The following MAP6 variants were observed in gnomAD, a reference collection of about 807,000 sequenced individuals.
MAP6 encodes microtubule associated protein 6, also known as microtubule-associated protein 6.
In MAP6, 26 loss-of-function variants were observed where a neutral mutation model predicts 42.4. That is an observed-to-expected ratio of 0.61 (90% CI 0.45 to 0.85). MAP6 has a LOEUF of 0.85. MAP6 is among the 40% of genes least tolerant of loss of function. The probability of loss-of-function intolerance (pLI) is 0.00; values close to 1 mark genes in which losing one functional copy is unlikely to be tolerated. For missense variants in MAP6, 966 were observed against 1,099.0 expected, an observed-to-expected ratio of 0.88 and a Z score of 1.71; for synonymous variants, 418 against 443.8, an observed-to-expected ratio of 0.94 and a Z score of 0.73.
At position 75,608,184 on chromosome 11, in the gene MAP6, T is replaced by C. The variant is rs1457868454; in HGVS notation, c.1044A>G (p.Thr348=). 2 of 1,614,228 alleles carry C rather than the reference T, an allele frequency of 1.2e-6. No individual in the cohort carries two copies. The highest frequency in any genetic ancestry group is 1.7e-6 in the Non-Finnish European group (2 of 1,180,038). ...GATCAATGACCTTATTGTCAGCTGT[T>C]GTTGGCTTGCTGGCCTCTCCTTTGA... ...AQFKGEASKP[T]TADNKVIDRR... The change falls in exon 2 of 4, where the codon ACA becomes ACG. Residue 348 remains threonine, a synonymous_variant. Coordinates refer to ENST00000304771, the MANE Select transcript of MAP6 (RefSeq NM_033063.2).
At chr11:75,656,692 G>A (rs2135688060) in intron 1 of MAP6, among the ~76,000 whole-genome samples, 1 of 152,290 alleles carries the variant, frequency 6.6e-6, no homozygotes, top group Middle Eastern at 3.4e-3. Flanking sequence ...CTATGGGTTT[G>A]ATTCTCACCA....
chr11:75,666,859 T>G (rs1213853046), intron 1 of MAP6, among the ~76,000 whole-genome samples: 1 of 152,218 alleles, frequency 6.6e-6, no homozygotes, highest in African/African-American at 2.4e-5. Context: ...TTGCCCAATA[T>G]GTCACAGCTA....
intron 3 of MAP6, among the ~76,000 whole-genome samples, chr11:75,597,665 T>C (rs1188675422): frequency 6.6e-6 from 1 of 152,186 alleles, no homozygotes; most frequent in African/African-American, 2.4e-5. Context: ...AAGGATCGGA[T>C]CTTGAGCAAT....
At chr11:75,621,633 G>C (rs1027770963) in intron 1 of MAP6, among the ~76,000 whole-genome samples, 5 of 152,158 alleles carry the variant, frequency 3.3e-5, no homozygotes, top group Non-Finnish European at 7.3e-5. Context: ...AAATACTCAG[G>C]AATTGGCCGG....
chr11:75,630,377 A>G (rs584046), intron 1 of MAP6, among the ~76,000 whole-genome samples: 113,967 of 152,170 alleles, frequency 0.75, 43,444 homozygotes, highest in African/African-American at 0.89. Flanking sequence ...AGGAATCACC[A>G]GCTTAATTGT....
intron 1 of MAP6, among the ~76,000 whole-genome samples, chr11:75,649,992 G>A (rs902997282): frequency 5.3e-5 from 8 of 152,154 alleles, no homozygotes; most frequent in Admixed American, 4.6e-4. Context: ...ACACTTAAGC[G>A]GGAATGAGAG....
At chr11:75,661,806 A>T (rs1943852104) in intron 1 of MAP6, among the ~76,000 whole-genome samples, 1 of 152,080 alleles carries the variant, frequency 6.6e-6, no homozygotes, top group Non-Finnish European at 1.5e-5. Context: ...ACCATACCAG[A>T]TGTCCTAACC....
intron 1 of MAP6, among the ~76,000 whole-genome samples, chr11:75,643,466 T>C (rs1223277146): frequency 6.6e-6 from 1 of 152,126 alleles, no homozygotes; most frequent in Non-Finnish European, 1.5e-5. Context: ...ATTAGTAAGG[T>C]GCTTGGCAAA....
rs1184880062 is a variant in MAP6 at position 75,587,998 on chromosome 11, T to G, written c.1503A>C (p.Pro501=). The change falls in exon 4 of 4, where the codon CCA becomes CCC. Residue 501 remains proline, a synonymous_variant. Coordinates refer to ENST00000304771, the MANE Select transcript of MAP6 (RefSeq NM_033063.2). ...GPPKDLGPMI[P]LPVKDQDHTV... ...TGTGATCTTGATCCTTGACTGGTAA[T>G]GGGATCATGGGACCTAGATCCTTTG... is the stretch of plus-strand genomic sequence containing the variant. 2.5e-6 allele frequency: 4 copies of G among 1,614,168 alleles called. No homozygotes were observed. The South Asian group carries it at 4.4e-5, about 18-fold the overall frequency.
intron 1 of MAP6, among the ~76,000 whole-genome samples, chr11:75,626,298 C>CT (rs1943193271): frequency 6.6e-6 from 1 of 152,144 alleles, no homozygotes; most frequent in African/African-American, 2.4e-5. Flanking sequence ...CATCTGAACA[C>CT]TTTCATTTTA....
chr11:75,652,819 A>T (rs535007922), intron 1 of MAP6, among the ~76,000 whole-genome samples: 1 of 149,910 alleles, frequency 6.7e-6, no homozygotes, highest in Non-Finnish European at 1.5e-5. Context: ...AGCCTGGGCG[A>T]TTGAGACTCC....
intron 1 of MAP6, among the ~76,000 whole-genome samples, chr11:75,614,177 T>C (rs1942957044): frequency 6.6e-6 from 1 of 152,148 alleles, no homozygotes; most frequent in Admixed American, 6.5e-5. Flanking sequence ...GGCTGTCCTT[T>C]TGCATCCATG....
At chr11:75,660,724 T>C (rs1943829415) in intron 1 of MAP6, among the ~76,000 whole-genome samples, 1 of 152,214 alleles carries the variant, frequency 6.6e-6, no homozygotes. Flanking sequence ...TGAATCAAAC[T>C]ATGTTGTCCC....
intron 1 of MAP6, among the ~76,000 whole-genome samples, chr11:75,617,875 G>C (rs976720140): frequency 6.6e-6 from 1 of 152,154 alleles, no homozygotes; most frequent in Non-Finnish European, 1.5e-5. Context: ...ATTGAGGAGA[G>C]AAGGCTACGC....
intron 3 of MAP6, among the ~76,000 whole-genome samples, chr11:75,592,260 T>A (rs778236102): frequency 1.3e-5 from 2 of 152,188 alleles, no homozygotes; most frequent in Non-Finnish European, 2.9e-5. Flanking sequence ...CTCTCTCCGC[T>A]TTCTCACATA....
At chr11:75,604,072 G>C in intron 3 of MAP6, 2 of 985,834 alleles carry the variant, frequency 2.0e-6, no homozygotes, top group Non-Finnish European at 2.4e-6. Context: ...TCATAAACAC[G>C]GAGACCCACC....
intron 1 of MAP6, among the ~76,000 whole-genome samples, chr11:75,650,629 G>C (rs1943631527): frequency 6.6e-6 from 1 of 151,884 alleles, no homozygotes. Context: ...TAATATTTAG[G>C]AATTATAACT....
intron 3 of MAP6, among the ~76,000 whole-genome samples, chr11:75,601,327 C>T (rs1479006068): frequency 2.0e-5 from 3 of 152,170 alleles, no homozygotes; most frequent in South Asian, 2.1e-4. Flanking sequence ...TCTCAATCCC[C>T]GTTTTGTCTC....
At chr11:75,612,006 A>G (rs1942903938) in intron 1 of MAP6, among the ~76,000 whole-genome samples, 1 of 152,242 alleles carries the variant, frequency 6.6e-6, no homozygotes, top group Non-Finnish European at 1.5e-5. Context: ...GCCTGCCCTC[A>G]CTGGAGGTGC....
Sources: gnomAD v4.1 joint callset for allele counts (sites outside exome capture counted in the v4.1 genomes callset) on GRCh38, gnomAD v4.1.1 for gene constraint, MANE v1.5 for transcripts, NCBI Gene and HGNC (gene_info 2026-07-23, HGNC 2026-07-21) for gene names.